SEZ6L: variants seen among roughly 807,000 people sequenced by gnomAD.
SEZ6L encodes the protein seizure 6-like protein.
SEZ6L carries 37 observed loss-of-function variants against 106.2 expected under a neutral mutation model. The observed-to-expected ratio is 0.35, with a 90% confidence interval of 0.27 to 0.46. SEZ6L has a LOEUF of 0.46. SEZ6L is among the 20% of genes least tolerant of loss of function. The pLI, the probability that SEZ6L is intolerant of heterozygous loss-of-function variation, is 1.00. For synonymous variants in SEZ6L, 541 were observed against 570.4 expected (o/e 0.95, Z 0.73); for missense variants, 1,172 against 1,332.8 (o/e 0.88, Z 1.88).
rs547190003 is a variant in SEZ6L at position 26,261,078 on chromosome 22, T to G, written c.95-31328T>G. Among the ~76,000 whole-genome samples, 8 of 144,088 alleles carry G rather than the reference T, an allele frequency of 5.6e-5. No homozygotes were observed. The East Asian group carries it at 1.5e-3, about 28-fold the overall frequency. The allele number at this position is 144,088 out of a possible 152,430, so 94.5% of individuals were successfully genotyped here. ...GTCCTTAGCCCACTTTTTGATGGGA[T>G]TATTTGTTTTTTTCTTGCTAATTTA... is the stretch of plus-strand genomic sequence containing the variant. On this transcript the variant is annotated intron_variant, in intron 1 of 16. Coordinates refer to ENST00000248933, the MANE Select transcript of SEZ6L (RefSeq NM_021115.5).
chr22:26,245,857 A>G (rs1262496374), intron 1 of SEZ6L, among the ~76,000 whole-genome samples: 2 of 152,068 alleles, frequency 1.3e-5, no homozygotes, highest in African/African-American at 2.4e-5. Flanking sequence ...CACCATTATT[A>G]TTAGTATTGC....
chr22:26,274,053 C>G (rs190190879), intron 1 of SEZ6L, among the ~76,000 whole-genome samples: 1 of 152,102 alleles, frequency 6.6e-6, no homozygotes, highest in Non-Finnish European at 1.5e-5. Flanking sequence ...CCATAGAACA[C>G]GAGATCTGGA....
At chr22:26,197,964 C>T (rs1055687349) in intron 1 of SEZ6L, among the ~76,000 whole-genome samples, 2 of 152,214 alleles carry the variant, frequency 1.3e-5, no homozygotes, top group African/African-American at 2.4e-5. Flanking sequence ...TCGTCTCTCT[C>T]TGTGGATTCT....
intron 1 of SEZ6L, among the ~76,000 whole-genome samples, chr22:26,260,293 A>G (rs1213549079): frequency 6.6e-6 from 1 of 152,062 alleles, no homozygotes; most frequent in Non-Finnish European, 1.5e-5. Context: ...ACCCCCTCCC[A>G]CTATTTCCCC....
chr22:26,331,202 G>A (rs1215571867), intron 9 of SEZ6L, among the ~76,000 whole-genome samples: 1 of 152,210 alleles, frequency 6.6e-6, no homozygotes, highest in East Asian at 1.9e-4. Context: ...CTGCAGGTGA[G>A]CAGCAGGATT....
At chr22:26,254,403 G>C (rs1209381) in intron 1 of SEZ6L, among the ~76,000 whole-genome samples, 32,429 of 151,874 alleles carry the variant, frequency 0.21, 4,040 homozygotes, top group South Asian at 0.32. Flanking sequence ...CAGAAACGGA[G>C]AGCAGGAAGG....
intron 1 of SEZ6L, among the ~76,000 whole-genome samples, chr22:26,188,479 A>C (rs949110907): frequency 3.0e-4 from 46 of 152,284 alleles, no homozygotes; most frequent in African/African-American, 1.1e-3. Flanking sequence ...TTCTCCCACC[A>C]TGGGAGCTGG....
chr22:26,217,517 C>T (rs1426041829), intron 1 of SEZ6L, among the ~76,000 whole-genome samples: 1 of 152,218 alleles, frequency 6.6e-6, no homozygotes, highest in East Asian at 1.9e-4. Context: ...GTAAGTGTCA[C>T]TTCTGAAGAC....
At chr22:26,340,690 G>T in intron 10 of SEZ6L, 58 bp downstream of exon 10, 1 of 1,450,432 alleles carries the variant, frequency 6.9e-7, no homozygotes, top group African/African-American at 1.4e-5. Context: ...AGGTTAAGGT[G>T]GTTTCCTCTA....
intron 9 of SEZ6L, among the ~76,000 whole-genome samples, chr22:26,316,005 T>A (rs925800459): frequency 2.0e-5 from 3 of 152,030 alleles, no homozygotes; most frequent in Non-Finnish European, 4.4e-5. Context: ...CAGTGAGCCA[T>A]GATTGCACCA....
In SEZ6L at chr22:26,310,755, C is replaced by G; in HGVS notation, c.1600C>G (p.Leu534Val). 1 of 1,614,162 alleles carries G rather than the reference C, an allele frequency of 6.2e-7. No individual in the cohort carries two copies. The highest frequency in any genetic ancestry group is 1.1e-5 in the South Asian group (1 of 91,070). ...QTESVPFEGLLSEGNTIRIEF... is the reference protein window; with the variant it reads ...QTESVPFEGLVSEGNTIRIEF... ...CGAGAGTGTCCCTTTTGAGGGCCTG[C>G]TGAGCGAAGGCAACACCATCCGCAT... Residue 534 changes from leucine to valine, a missense_variant, in exon 7 of 17, where the codon CTG (leucine) becomes GTG (valine). By Grantham distance (32) the Leu-to-Val change is conservative. Around this residue, in one of 4 missense-constraint regions of SEZ6L, gnomAD observed 534 missense variants for 691.0 expected, o/e 0.77. Coordinates refer to ENST00000248933, the MANE Select transcript of SEZ6L (RefSeq NM_021115.5).
rs565459631 is a variant in SEZ6L at position 26,295,754 on chromosome 22, A to G, written c.970-1134A>G. Among the ~76,000 whole-genome samples the G allele has an allele frequency of 5.3e-5, 8 of 152,330 alleles. No homozygotes were observed. In the South Asian group the frequency reaches 1.2e-3, roughly 24 times the overall value. On this transcript the variant is annotated intron_variant, in intron 3 of 16. Transcript: ENST00000248933. ...ATGCACCAGGCAAAGCTGTTGACAC[A>G]GGAGAATATGTTGATGTAAAAAACT...
At chr22:26,226,862 T>C (rs1291011869) in intron 1 of SEZ6L, among the ~76,000 whole-genome samples, 1 of 152,082 alleles carries the variant, frequency 6.6e-6, no homozygotes, top group Non-Finnish European at 1.5e-5. Context: ...TTTGTTCCTC[T>C]CTGAAATAGA....
chr22:26,281,572 G>A lies in SEZ6L; in HGVS notation c.95-10834G>A, dbSNP rs2080771492. Among the ~76,000 whole-genome samples, 3 of 151,868 alleles carry A rather than the reference G, an allele frequency of 2.0e-5. No homozygotes were observed. The South Asian group carries it at 6.2e-4, about 32-fold the overall frequency. On this transcript the variant is annotated intron_variant, in intron 1 of 16. Coordinates refer to ENST00000248933, the MANE Select transcript of SEZ6L (RefSeq NM_021115.5). Reference sequence around the variant, plus strand: ...TTAAATTTTTTTTAGTAGAGACGGGGTTTCACCGTGTTAGCCAGGATGGTC... The same window carrying A: ...TTAAATTTTTTTTAGTAGAGACGGGATTTCACCGTGTTAGCCAGGATGGTC...
intron 13 of SEZ6L, among the ~76,000 whole-genome samples, chr22:26,366,429 C>T (rs1299657633): frequency 6.6e-6 from 1 of 152,094 alleles, no homozygotes; most frequent in Non-Finnish European, 1.5e-5. Flanking sequence ...TGCAGTGGCT[C>T]ACACCTGTAA....
chr22:26,367,469 G>A (rs570514475), intron 13 of SEZ6L, among the ~76,000 whole-genome samples: 3 of 152,014 alleles, frequency 2.0e-5, no homozygotes, highest in South Asian at 4.2e-4. Context: ...TCAGCCTCGC[G>A]AGTGGCTGGG....
At chr22:26,368,986 G>A (rs1357260482) in intron 13 of SEZ6L, among the ~76,000 whole-genome samples, 1 of 152,120 alleles carries the variant, frequency 6.6e-6, no homozygotes, top group South Asian at 2.1e-4. Flanking sequence ...AGTCACCGCA[G>A]CATGGAAACC....
intron 12 of SEZ6L, 39 bp from the exon 13 acceptor site, chr22:26,365,333 G>A (rs755041090): frequency 1.3e-6 from 2 of 1,566,184 alleles, no homozygotes; most frequent in East Asian, 4.5e-5. Flanking sequence ...CCAAAGATTT[G>A]CATCATCTCA....
intron 1 of SEZ6L, among the ~76,000 whole-genome samples, chr22:26,208,800 A>T (rs1216003309): frequency 6.6e-6 from 1 of 150,950 alleles, no homozygotes; most frequent in Non-Finnish European, 1.5e-5. Flanking sequence ...TTATATATTT[A>T]AACATGTTTA....
Sources: allele counts gnomAD v4.1 joint callset (sites outside exome capture counted in the v4.1 genomes callset), GRCh38; gene constraint gnomAD v4.1.1; regional missense constraint gnomAD v4.1.1; transcripts MANE v1.5; gene names NCBI Gene and HGNC (gene_info 2026-07-23, HGNC 2026-07-21).